Variants in FYB2 observed in about 807,000 individuals in gnomAD.
The protein encoded by FYB2 is FYN binding protein 2.
In FYB2, 103 loss-of-function variants were observed where a neutral mutation model predicts 94.1. That is an observed-to-expected ratio of 1.09 (90% CI 0.93 to 1.29). The LOEUF (loss-of-function observed/expected upper bound fraction) is 1.29, where lower values mean the gene tolerates loss of function less well. Ranked by LOEUF, FYB2 falls within the 50% of genes most tolerant of loss-of-function variation. The probability of loss-of-function intolerance (pLI) is 0.00; values close to 1 mark genes in which losing one functional copy is unlikely to be tolerated. For missense variants in FYB2, 896 were observed against 841.5 expected, an observed-to-expected ratio of 1.06 and a Z score of -0.80; for synonymous variants, 293 against 287.9, an observed-to-expected ratio of 1.02 and a Z score of -0.18.
At chr1:56,825,848 T>C in the FYB2 span, among the ~76,000 whole-genome samples, 75 of 152,304 alleles carry the variant, frequency 4.9e-4, no homozygotes, top group East Asian at 0.014. Context: ...GGGTGTTTCA[T>C]AGATACCTCA....
intron 15 of FYB2, among the ~76,000 whole-genome samples, chr1:56,736,019 A>G (rs1442107553): frequency 1.3e-5 from 2 of 152,164 alleles, no homozygotes; most frequent in Non-Finnish European, 2.9e-5. Flanking sequence ...AATTACCTTT[A>G]TCTTATCACT....
intron 4 of FYB2, among the ~76,000 whole-genome samples, chr1:56,773,989 A>C (rs932532571): frequency 2.0e-5 from 3 of 152,180 alleles, no homozygotes; most frequent in African/African-American, 7.2e-5. Context: ...TCACCCTAAG[A>C]AATCCTTCCC....
At chr1:56,803,055 G>A (rs1453907449) in intron 1 of FYB2, among the ~76,000 whole-genome samples, 1 of 152,114 alleles carries the variant, frequency 6.6e-6, no homozygotes, top group African/African-American at 2.4e-5. Context: ...CTGAGATTTA[G>A]TTTCAGCACC....
In FYB2 at chr1:56,787,180, T is replaced by A. The variant is rs1427982487; in HGVS notation, c.948A>T (p.Pro316=). 6.2e-7 allele frequency: 1 copy of A among 1,613,962 alleles called. No homozygotes were observed. The highest frequency in any genetic ancestry group is 1.7e-5 in the Admixed American group (1 of 60,010). The change falls in exon 4 of 20, where the codon CCA becomes CCT. Residue 316 remains proline, a synonymous_variant. Coordinates refer to ENST00000343433, the MANE Select transcript of FYB2 (RefSeq NM_001004303.5). The stretch of plus-strand genomic sequence containing the variant: ...ACTAAGGAGCATGTACTTACCTCTC[T>A]GGAGACAGGGAGCCCTCTTCCACAG... ...EVTVEEGSLS[P]ERLFNAEFEE... is the part of the protein sequence containing the mutation.
chr1:56,743,121 A>G (rs1644992358), intron 11 of FYB2, among the ~76,000 whole-genome samples: 1 of 152,054 alleles, frequency 6.6e-6, no homozygotes, highest in South Asian at 2.1e-4. Context: ...TACTTTTGTT[A>G]TTAACTATAA....
intron 1 of FYB2, among the ~76,000 whole-genome samples, chr1:56,798,400 C>T (rs1646448961): frequency 6.6e-6 from 1 of 152,176 alleles, no homozygotes. Context: ...CAGTGGTGTC[C>T]TCTAAACAGA....
intron 5 of FYB2, among the ~76,000 whole-genome samples, chr1:56,759,071 C>T (rs950676418): frequency 2.6e-5 from 4 of 151,978 alleles, no homozygotes; most frequent in Non-Finnish European, 4.4e-5. Flanking sequence ...AGAAGGCAAA[C>T]GTGAAAGGAA....
rs1453236717 is a variant in FYB2 at position 56,777,239 on chromosome 1, C to CAAAAAAAAAAAAA, written c.954-9314_954-9302dup. ...ACAGAGCGAGACTCCGTCTCAAAAA[C>CAAAAAAAAAAAAA]AAAAAAAAAAAAAAAAAAAAAAAAA... On this transcript the variant is annotated intron_variant, in intron 4 of 19. Transcript: ENST00000343433. 2.5e-3 allele frequency among the ~76,000 whole-genome samples: 12 copies of CAAAAAAAAAAAAA among 4,802 alleles called. 4 individuals are homozygous for CAAAAAAAAAAAAA. Among genetic ancestry groups the CAAAAAAAAAAAAA allele is most frequent in the Admixed American group, 5.1e-3 (1 of 196 alleles). The allele number at this position is 4,802 out of a possible 152,430, so 3.2% of individuals were successfully genotyped here. A position where few individuals can be genotyped will look rare whatever the true frequency, so the allele number is the denominator to read the frequency against.
intron 1 of FYB2, among the ~76,000 whole-genome samples, chr1:56,812,934 G>A (rs1246293975): frequency 1.3e-5 from 2 of 152,206 alleles, no homozygotes; most frequent in Non-Finnish European, 2.9e-5. Context: ...GCTTCAACAA[G>A]AGAAATGTAT....
chr1:56,767,411 C>G (rs534754835), intron 5 of FYB2, among the ~76,000 whole-genome samples: 1 of 152,132 alleles, frequency 6.6e-6, no homozygotes. Flanking sequence ...GGGCCTAATT[C>G]TCATGGTCTG....
intron 4 of FYB2, among the ~76,000 whole-genome samples, chr1:56,769,837 G>A (rs1000168037): frequency 1.6e-4 from 24 of 152,062 alleles, no homozygotes; most frequent in African/African-American, 5.6e-4. Flanking sequence ...AATAGGTCAA[G>A]GATTGTAATA....
intron 9 of FYB2, among the ~76,000 whole-genome samples, chr1:56,749,171 T>C (rs907256804): frequency 1.3e-5 from 2 of 151,926 alleles, no homozygotes; most frequent in African/African-American, 4.8e-5. Flanking sequence ...AGATTTCTGT[T>C]TTTTATCCTG....
chr1:56,738,547 G>A (rs931750650), intron 14 of FYB2, 78 bp downstream of exon 14: 1 of 1,407,434 alleles, frequency 7.1e-7, no homozygotes, highest in African/African-American at 1.4e-5. Flanking sequence ...TGCAGGAAGG[G>A]TTACCATTTC....
At position 56,742,657 on chromosome 1, in the gene FYB2, T is replaced by C. The variant is rs1444428607; in HGVS notation, c.1544-436A>G. Among the ~76,000 whole-genome samples, 3 of 152,082 alleles carry C rather than the reference T, an allele frequency of 2.0e-5. No homozygotes were observed. The East Asian group carries it at 5.8e-4, about 29-fold the overall frequency. On this transcript the variant is annotated intron_variant, in intron 11 of 19. Transcript: ENST00000343433. The stretch of plus-strand genomic sequence containing the variant: ...CATGGCTTTGGCCTAGCCCAACACA[T>C]AAGCTTAACATACACAGTTATACTT...
chr1:56,720,148 A>T, intron 18 of FYB2, 25 bp downstream of exon 18: 1 of 1,594,756 alleles, frequency 6.3e-7, no homozygotes. Context: ...ATGAAATATT[A>T]TGAAAGATAA....
At chr1:56,757,747 TTTCTTTCTTTTCA>T (rs1645388147) in intron 6 of FYB2, among the ~76,000 whole-genome samples, 1 of 128,784 alleles carries the variant, frequency 7.8e-6, no homozygotes, top group Non-Finnish European at 1.6e-5. Context: ...TCTTTCTTTC[TTTCTTTCTTTTCA>T]TTCTTTCTTT....
At chr1:56,778,023 C>G (rs1297725618) in intron 4 of FYB2, among the ~76,000 whole-genome samples, 1 of 152,124 alleles carries the variant, frequency 6.6e-6, no homozygotes, top group African/African-American at 2.4e-5. Context: ...CCCATGTCTC[C>G]AAGGTCCTGT....
chr1:56,780,611 C>T (rs1645986437), intron 4 of FYB2, among the ~76,000 whole-genome samples: 1 of 152,178 alleles, frequency 6.6e-6, no homozygotes, highest in Admixed American at 6.5e-5. Flanking sequence ...AAAGCACTTA[C>T]TGTACTTCAT....
chr1:56,818,764 C>T (rs1338447761), intron 1 of FYB2, among the ~76,000 whole-genome samples: 1 of 152,102 alleles, frequency 6.6e-6, no homozygotes, highest in African/African-American at 2.4e-5. Flanking sequence ...GGACCCAGGG[C>T]TCAGGATGAC....
Sources: gnomAD v4.1 joint callset for allele counts (sites outside exome capture counted in the v4.1 genomes callset) on GRCh38, gnomAD v4.1.1 for gene constraint, MANE v1.5 for transcripts, NCBI Gene and HGNC (gene_info 2026-07-23, HGNC 2026-07-21) for gene names.